STAG1: variants seen among roughly 807,000 people sequenced by gnomAD.
STAG1 encodes the protein cohesin subunit SA-1.
STAG1 carries 26 observed loss-of-function variants against 170.9 expected under a neutral mutation model. The observed-to-expected ratio is 0.15, with a 90% CI of 0.11 to 0.21. The LOEUF (loss-of-function observed/expected upper bound fraction) is 0.21. STAG1 is among the 10% of genes least tolerant of loss of function. The probability of loss-of-function intolerance (pLI) is 1.00; values close to 1 mark genes in which losing one functional copy is unlikely to be tolerated. For synonymous variants in STAG1, 514 were observed against 497.7 expected (o/e 1.03, Z -0.44); for missense variants, 964 against 1,509.5 (o/e 0.64, Z 5.99).
At chr3:136,434,079 C>T (rs923314448) in intron 15 of STAG1, among the ~76,000 whole-genome samples, 2 of 152,078 alleles carry the variant, frequency 1.3e-5, no homozygotes, top group African/African-American at 2.4e-5. Flanking sequence ...TACTATCTAA[C>T]GTATGTACCA....
intron 21 of STAG1, among the ~76,000 whole-genome samples, chr3:136,413,084 G>A (rs972666057): frequency 7.3e-5 from 11 of 151,088 alleles, no homozygotes; most frequent in Non-Finnish European, 1.0e-4. Flanking sequence ...GGCTGGTCTC[G>A]AACTCCTGAC....
At chr3:136,544,108 A>G (rs1936034789) in intron 5 of STAG1, among the ~76,000 whole-genome samples, 1 of 152,160 alleles carries the variant, frequency 6.6e-6, no homozygotes, top group African/African-American at 2.4e-5. Flanking sequence ...TCCAGAGTAG[A>G]CATATCAGGT....
At chr3:136,583,083 T>C (rs1406148073) in intron 4 of STAG1, among the ~76,000 whole-genome samples, 2 of 152,210 alleles carry the variant, frequency 1.3e-5, no homozygotes, top group African/African-American at 2.4e-5. Flanking sequence ...TAAGTCAATA[T>C]TGAAATGAAT....
chr3:136,571,803 C>T (rs1401133195), intron 4 of STAG1, among the ~76,000 whole-genome samples: 1 of 152,098 alleles, frequency 6.6e-6, no homozygotes, highest in East Asian at 1.9e-4. Flanking sequence ...ATCACTTGAG[C>T]CCAGGAGTTT....
intron 1 of STAG1, among the ~76,000 whole-genome samples, chr3:136,650,470 A>G (rs1941180391): frequency 6.6e-6 from 1 of 152,208 alleles, no homozygotes; most frequent in South Asian, 2.1e-4. Flanking sequence ...TTACATATGC[A>G]ATAAAAACGA....
At chr3:136,728,485 C>T (rs1933815323) in intron 1 of STAG1, among the ~76,000 whole-genome samples, 1 of 152,138 alleles carries the variant, frequency 6.6e-6, no homozygotes, top group African/African-American at 2.4e-5. Flanking sequence ...AGTCAACTAA[C>T]TTCTCCGTGC....
intron 15 of STAG1, among the ~76,000 whole-genome samples, chr3:136,441,496 A>T (rs935907695): frequency 6.6e-6 from 1 of 152,234 alleles, no homozygotes; most frequent in Admixed American, 6.5e-5. Context: ...ATTAGAAAAA[A>T]GTTTTTAGTT....
At chr3:136,421,288 T>C (rs2087950806) in intron 19 of STAG1, 125 bp from the exon 20 acceptor site, 2 of 456,252 alleles carry the variant, frequency 4.4e-6, no homozygotes, top group Non-Finnish European at 7.3e-6. Flanking sequence ...AGATCCATAA[T>C]ACAAATAAGC....
At chr3:136,734,175 T>C (rs1180044197) in intron 1 of STAG1, among the ~76,000 whole-genome samples, 1 of 151,654 alleles carries the variant, frequency 6.6e-6, no homozygotes, top group East Asian at 1.9e-4. Flanking sequence ...CTTGCCAGTT[T>C]GTACTGTCTC....
At chr3:136,576,328 A>G (rs1460572131) in intron 4 of STAG1, among the ~76,000 whole-genome samples, 1 of 152,174 alleles carries the variant, frequency 6.6e-6, no homozygotes, top group Non-Finnish European at 1.5e-5. Flanking sequence ...AGGTATGGAA[A>G]AATTCAACTT....
At chr3:136,652,405 T>C (rs1319916259) in intron 1 of STAG1, among the ~76,000 whole-genome samples, 1 of 152,214 alleles carries the variant, frequency 6.6e-6, no homozygotes, top group Non-Finnish European at 1.5e-5. Flanking sequence ...TGATAATACT[T>C]AGGCAGGATA....
chr3:136,421,025 C>T, intron 20 of STAG1, 68 bp downstream of exon 20: 1 of 912,004 alleles, frequency 1.1e-6, no homozygotes. Flanking sequence ...CCCATCTCGG[C>T]CTCTCAAAGT....
chr3:136,723,493 C>G (rs1179102977), intron 1 of STAG1, among the ~76,000 whole-genome samples: 2 of 151,534 alleles, frequency 1.3e-5, no homozygotes, highest in African/African-American at 4.9e-5. Context: ...CCCCTCCGCC[C>G]GGCAGCCACC....
intron 23 of STAG1, among the ~76,000 whole-genome samples, chr3:136,372,284 T>G (rs1028737188): frequency 1.3e-5 from 2 of 152,218 alleles, no homozygotes; most frequent in Non-Finnish European, 2.9e-5. Flanking sequence ...TACAATCATG[T>G]CATCTGCAAA....
intron 22 of STAG1, among the ~76,000 whole-genome samples, chr3:136,380,836 A>G (rs922221521): frequency 5.9e-5 from 9 of 151,822 alleles, no homozygotes; most frequent in Non-Finnish European, 1.2e-4. Context: ...CCTGGGCAAC[A>G]TGATGAAATC....
intron 1 of STAG1, among the ~76,000 whole-genome samples, chr3:136,683,176 T>C (rs930701408): frequency 3.3e-5 from 5 of 152,242 alleles, no homozygotes; most frequent in African/African-American, 9.6e-5. Flanking sequence ...GTTCTAGAGA[T>C]TGGTTGCACA....
chr3:136,525,155 G>C (rs1934937339), intron 6 of STAG1, among the ~76,000 whole-genome samples: 1 of 152,176 alleles, frequency 6.6e-6, no homozygotes, highest in African/African-American at 2.4e-5. Flanking sequence ...GATTGGAATA[G>C]TTTCAGAAGG....
intron 5 of STAG1, among the ~76,000 whole-genome samples, chr3:136,566,746 C>T (rs1937088307): frequency 6.6e-6 from 1 of 152,106 alleles, no homozygotes; most frequent in Non-Finnish European, 1.5e-5. Flanking sequence ...AATGCATTTA[C>T]CTACAGACAT....
chr3:136,726,288 C>A (rs1007670041), intron 1 of STAG1, among the ~76,000 whole-genome samples: 3 of 152,188 alleles, frequency 2.0e-5, no homozygotes, highest in Non-Finnish European at 4.4e-5. Flanking sequence ...CAGTAGCATA[C>A]ACCATAATCC....
Sources: allele counts gnomAD v4.1 joint callset (sites outside exome capture counted in the v4.1 genomes callset), GRCh38; gene constraint gnomAD v4.1.1; transcripts MANE v1.5; gene names NCBI Gene and HGNC (gene_info 2026-07-23, HGNC 2026-07-21).